MTUS2: variants seen among roughly 807,000 people sequenced by gnomAD.
MTUS2 encodes microtubule associated scaffold protein 2.
In MTUS2, 40 loss-of-function variants were observed where a neutral mutation model predicts 114.1. The observed-to-expected ratio is 0.35, with a 90% CI of 0.27 to 0.46. The LOEUF (loss-of-function observed/expected upper bound fraction) is 0.46, where lower values mean the gene tolerates loss of function less well. Ranked by LOEUF, MTUS2 falls within the 20% of genes least tolerant of loss-of-function variation. The pLI, the probability that MTUS2 is intolerant of heterozygous loss-of-function variation, is 1.00. For missense variants in MTUS2, 1,679 were observed against 1,705.4 expected (o/e 0.98, Z 0.27); for synonymous variants, 688 against 672.0 (o/e 1.02, Z -0.37).
At chr13:28,958,164 T>G (rs1288230958) in intron 2 of MTUS2, among the ~76,000 whole-genome samples, 1 of 152,228 alleles carries the variant, frequency 6.6e-6, no homozygotes, top group Non-Finnish European at 1.5e-5. Context: ...TTGTGCCTCC[T>G]GCTTAATTAG....
chr13:29,233,395 G>T (rs1255720426), intron 5 of MTUS2, among the ~76,000 whole-genome samples: 1 of 152,150 alleles, frequency 6.6e-6, no homozygotes, highest in Non-Finnish European at 1.5e-5. Flanking sequence ...TTGGGACGAA[G>T]TAGGGAAGTG....
intron 5 of MTUS2, among the ~76,000 whole-genome samples, chr13:29,153,606 G>A (rs138866045): frequency 1.7e-4 from 26 of 152,206 alleles, no homozygotes; most frequent in Non-Finnish European, 3.1e-4. Flanking sequence ...ACCCTACTGG[G>A]CTTGTCTGTA....
At chr13:28,908,347 T>G (rs950366650) in intron 2 of MTUS2, among the ~76,000 whole-genome samples, 1 of 151,510 alleles carries the variant, frequency 6.6e-6, no homozygotes, top group African/African-American at 2.4e-5. Context: ...TGTGTCCATG[T>G]GTTCTCATTG....
intron 1 of MTUS2, among the ~76,000 whole-genome samples, chr13:28,826,185 T>G (rs1392333713): frequency 6.6e-6 from 1 of 152,202 alleles, no homozygotes; most frequent in Non-Finnish European, 1.5e-5. Context: ...AATTATAACC[T>G]TGTTTTGTGG....
intron 4 of MTUS2, among the ~76,000 whole-genome samples, chr13:29,040,117 C>T (rs1887278212): frequency 6.6e-6 from 1 of 152,188 alleles, no homozygotes; most frequent in African/African-American, 2.4e-5. Flanking sequence ...ATCCCTCACT[C>T]ACCTCCCACC....
At chr13:29,456,861 G>C (rs1176677905) in intron 9 of MTUS2, among the ~76,000 whole-genome samples, 2 of 152,178 alleles carry the variant, frequency 1.3e-5, no homozygotes, top group Admixed American at 6.5e-5. Flanking sequence ...GACTAGGCCG[G>C]GCACGGTGGC....
intron 2 of MTUS2, among the ~76,000 whole-genome samples, chr13:28,894,343 A>AGAGAGAGAGAGAGT (rs1566203791): frequency 1.3e-3 from 126 of 93,572 alleles, no homozygotes; most frequent in African/African-American, 5.8e-3. Flanking sequence ...AGAGAGAGAG[A>AGAGAGAGAGAGAGT]GAGAGAGTGA....
chr13:29,348,513 C>T (rs9579354), intron 7 of MTUS2, among the ~76,000 whole-genome samples: 122,102 of 151,634 alleles, frequency 0.81, 50,175 homozygotes, highest in East Asian at 0.9. Context: ...TTCATGCATA[C>T]TTAAAAACAG....
chr13:29,344,659 A>T (rs1384332021), intron 7 of MTUS2, among the ~76,000 whole-genome samples: 1 of 152,128 alleles, frequency 6.6e-6, no homozygotes, highest in African/African-American at 2.4e-5. Context: ...TTCAATGTCA[A>T]TATTGAGGTG....
intron 4 of MTUS2, among the ~76,000 whole-genome samples, chr13:29,100,275 A>C (rs1327398616): frequency 6.6e-6 from 1 of 152,184 alleles, no homozygotes; most frequent in Non-Finnish European, 1.5e-5. Context: ...TCCTGCACCC[A>C]ACAGAAGGTT....
At chr13:29,269,923 G>T (rs953385760) in intron 5 of MTUS2, among the ~76,000 whole-genome samples, 1 of 152,132 alleles carries the variant, frequency 6.6e-6, no homozygotes, top group Non-Finnish European at 1.5e-5. Context: ...TGAATTTTGA[G>T]GACATTATCC....
At chr13:28,935,977 C>A (rs577184859) in intron 2 of MTUS2, among the ~76,000 whole-genome samples, 1 of 152,166 alleles carries the variant, frequency 6.6e-6, no homozygotes, top group East Asian at 1.9e-4. Context: ...GAACTCCTGG[C>A]CTTAAGTGAT....
rs755900595 is a variant in MTUS2, at chr13:29,281,714, T to C, written c.2655T>C (p.Phe885=). 6.2e-7 allele frequency: 1 copy of C among 1,607,760 alleles called. No individual in the cohort carries two copies. Among genetic ancestry groups the C allele is most frequent in the Admixed American group, 1.7e-5 (1 of 59,606 alleles). Residue 885 remains phenylalanine (F), a synonymous_variant, in exon 6 of 16, where the codon TTT becomes TTC. Transcript: ENST00000612955. ...EQGRPATRST[F]GNEEQPVLKA... ...GTCTGCCTCCCACAGGTTCAACCTTTGGGAATGAAGAACAGCCAGTTCTGA... is the reference window on the plus strand; with the variant it reads ...GTCTGCCTCCCACAGGTTCAACCTTCGGGAATGAAGAACAGCCAGTTCTGA...
intron 2 of MTUS2, among the ~76,000 whole-genome samples, chr13:28,867,198 G>A (rs530494928): frequency 6.6e-6 from 1 of 152,318 alleles, no homozygotes; most frequent in Non-Finnish European, 1.5e-5. Flanking sequence ...GGAAGGACCT[G>A]TGCTCTTTAA....
intron 5 of MTUS2, among the ~76,000 whole-genome samples, chr13:29,167,494 G>T (rs1014639073): frequency 6.6e-6 from 1 of 151,180 alleles, no homozygotes; most frequent in African/African-American, 2.4e-5. Context: ...GAATTGTAAT[G>T]CAATCACTTC....
In MTUS2 at chr13:29,433,037, C is replaced by A. The variant is rs189255793; in HGVS notation, c.3118-6946C>A. ...TTAAAACGCAGGCAACTGGCTAATT[C>A]TCCCTTCTCCTGCACTTACTCTGAG... On this transcript the variant is annotated intron_variant, in intron 8 of 15. Transcript: ENST00000612955. 4.7e-3 allele frequency among the ~76,000 whole-genome samples: 718 copies of A among 152,298 alleles called. 5 individuals are homozygous for A. The highest frequency in any genetic ancestry group is 0.017 in the African/African-American group (691 of 41,554).
At chr13:28,940,672 A>C (rs1316922647) in intron 2 of MTUS2, among the ~76,000 whole-genome samples, 2 of 152,212 alleles carry the variant, frequency 1.3e-5, no homozygotes, top group African/African-American at 4.8e-5. Context: ...TGAGAGTTCA[A>C]TAGTGAGTTT....
At chr13:29,373,799 T>C (rs2138316736) in intron 8 of MTUS2, among the ~76,000 whole-genome samples, 1 of 152,362 alleles carries the variant, frequency 6.6e-6, no homozygotes, top group South Asian at 2.1e-4. Flanking sequence ...TATGATGTAA[T>C]ATTCAAAATG....
intron 5 of MTUS2, among the ~76,000 whole-genome samples, chr13:29,138,311 C>T (rs1892069148): frequency 1.3e-5 from 2 of 152,152 alleles, no homozygotes; most frequent in African/African-American, 4.8e-5. Flanking sequence ...AAAACAGTTA[C>T]ATCAGACAGA....
Sources: gnomAD v4.1 joint callset for allele counts (sites outside exome capture counted in the v4.1 genomes callset) on GRCh38, gnomAD v4.1.1 for gene constraint, MANE v1.5 for transcripts, NCBI Gene and HGNC (gene_info 2026-07-23, HGNC 2026-07-21) for gene names.